LHFPL6: variants seen among roughly 807,000 people sequenced by gnomAD.
LHFPL6 encodes LHFPL tetraspan subfamily member 6 protein.
A neutral mutation model predicts 20.6 loss-of-function variants in LHFPL6; 9 were observed. That is an observed-to-expected ratio of 0.44 (90% CI 0.26 to 0.76). LHFPL6 has a LOEUF of 0.76. Among genes scored for constraint, LHFPL6 ranks in the 30% least tolerant of loss-of-function variants. The pLI is 0.20. For missense variants in LHFPL6, 218 were observed against 253.5 expected, an observed-to-expected ratio of 0.86 and a Z score of 0.95; for synonymous variants, 105 against 98.7, an observed-to-expected ratio of 1.06 and a Z score of -0.38.
intron 2 of LHFPL6, among the ~76,000 whole-genome samples, chr13:39,393,553 G>C (rs769465984): frequency 2.8e-4 from 42 of 152,268 alleles, no homozygotes; most frequent in Non-Finnish European, 5.3e-4. Flanking sequence ...ATGAAAACAA[G>C]AGCAAGTTAG....
intron 2 of LHFPL6, among the ~76,000 whole-genome samples, chr13:39,484,672 T>C (rs12427650): frequency 5.5e-4 from 84 of 152,320 alleles, no homozygotes; most frequent in Non-Finnish European, 9.6e-4. Context: ...TGTAGTCAGT[T>C]GTGAGAATTT....
At chr13:39,436,027 TAATA>T (rs1218991481) in intron 2 of LHFPL6, among the ~76,000 whole-genome samples, 1 of 151,498 alleles carries the variant, frequency 6.6e-6, no homozygotes. Context: ...ATTTTTAAAT[TAATA>T]AATATATAAA....
At chr13:39,418,960 C>T (rs530847881) in intron 2 of LHFPL6, among the ~76,000 whole-genome samples, 75 of 152,296 alleles carry the variant, frequency 4.9e-4, no homozygotes, top group East Asian at 1.2e-3. Flanking sequence ...GATCAGAATA[C>T]AGATTCCACA....
intron 3 of LHFPL6, among the ~76,000 whole-genome samples, chr13:39,358,536 A>G (rs1412532899): frequency 6.6e-6 from 1 of 152,156 alleles, no homozygotes; most frequent in Non-Finnish European, 1.5e-5. Flanking sequence ...AAAAAACAAC[A>G]TGTGGGACCT....
intron 2 of LHFPL6, among the ~76,000 whole-genome samples, chr13:39,500,544 C>A (rs1869257984): frequency 1.3e-5 from 2 of 152,146 alleles, no homozygotes; most frequent in Non-Finnish European, 2.9e-5. Flanking sequence ...CATAAGCCAC[C>A]GTGCCCGGCC....
chr13:39,487,783 C>T (rs1868775378), intron 2 of LHFPL6, among the ~76,000 whole-genome samples: 1 of 152,110 alleles, frequency 6.6e-6, no homozygotes, highest in African/African-American at 2.4e-5. Context: ...CTGAGGTTCA[C>T]ACCTGTAATC....
chr13:39,499,075 C>T (rs1022942272), intron 2 of LHFPL6, among the ~76,000 whole-genome samples: 2 of 152,078 alleles, frequency 1.3e-5, no homozygotes, highest in African/African-American at 4.8e-5. Flanking sequence ...GTTGACCAGG[C>T]TGGTCTTGAA....
intron 3 of LHFPL6, among the ~76,000 whole-genome samples, chr13:39,350,303 T>C (rs2138336020): frequency 6.6e-6 from 1 of 152,340 alleles, no homozygotes; most frequent in African/African-American, 2.4e-5. Flanking sequence ...TGTGAGAGAT[T>C]AAAGGTTTAC....
chr13:39,380,705 C>G (rs1870416098), intron 2 of LHFPL6, among the ~76,000 whole-genome samples: 1 of 152,042 alleles, frequency 6.6e-6, no homozygotes, highest in African/African-American at 2.4e-5. Flanking sequence ...GTTGACCAGG[C>G]TGATCTAGAA....
chr13:39,488,011 A>G (rs1868783821), intron 2 of LHFPL6, among the ~76,000 whole-genome samples: 2 of 152,206 alleles, frequency 1.3e-5, no homozygotes, highest in African/African-American at 2.4e-5. Flanking sequence ...TGTCCCCCCA[A>G]AATTTATATG....
Position 39,492,186 on chromosome 13 carries a change from A to C in LHFPL6, c.385+108646T>G, listed in dbSNP as rs73462900. ...TGAAGTCTAGAACTCACCATTAAAG[A>C]ATTACTGATTTAGGGAAATCTGTTT... On this transcript the variant is annotated intron_variant, in intron 2 of 3. Coordinates refer to ENST00000379589, the MANE Select transcript of LHFPL6 (RefSeq NM_005780.3). Among the ~76,000 whole-genome samples the C allele has an allele frequency of 2.7e-3, 415 of 152,348 alleles. 4 individuals are homozygous for C. Among genetic ancestry groups the C allele is most frequent in the African/African-American group, 9.3e-3 (388 of 41,570 alleles).
intron 2 of LHFPL6, among the ~76,000 whole-genome samples, chr13:39,395,137 TATGAAGGGAGAACAGTGTCTCAGATAA>T (rs1870810900): frequency 1.3e-5 from 2 of 152,152 alleles, no homozygotes; most frequent in Non-Finnish European, 2.9e-5. Context: ...CTAGCTTATT[TATGAAGGGAGAACAGTGTCTCAGATAA>T]ATGCCTCCTT....
At chr13:39,419,231 A>C (rs1324437798) in intron 2 of LHFPL6, among the ~76,000 whole-genome samples, 1 of 152,184 alleles carries the variant, frequency 6.6e-6, no homozygotes, top group Non-Finnish European at 1.5e-5. Context: ...TGTGAAAAAA[A>C]TGGCAAATAA....
intron 3 of LHFPL6, among the ~76,000 whole-genome samples, chr13:39,349,253 T>C (rs2138335168): frequency 6.6e-6 from 1 of 152,334 alleles, no homozygotes; most frequent in African/African-American, 2.4e-5. Flanking sequence ...GTATTACAAA[T>C]TATATTGAGA....
At chr13:39,557,150 G>T (rs1871330359) in intron 2 of LHFPL6, among the ~76,000 whole-genome samples, 1 of 152,210 alleles carries the variant, frequency 6.6e-6, no homozygotes, top group Non-Finnish European at 1.5e-5. Context: ...AAGCATTTCA[G>T]AAATCTTTGA....
chr13:39,586,384 T>A (rs1195838250), intron 2 of LHFPL6, among the ~76,000 whole-genome samples: 1 of 152,178 alleles, frequency 6.6e-6, no homozygotes, highest in Admixed American at 6.5e-5. Flanking sequence ...ATCAGAGATA[T>A]GCACATTGTA....
At chr13:39,579,614 T>C (rs1872217936) in intron 2 of LHFPL6, among the ~76,000 whole-genome samples, 1 of 152,222 alleles carries the variant, frequency 6.6e-6, no homozygotes, top group African/African-American at 2.4e-5. Context: ...GTTACAGTTT[T>C]TAAAGAATTA....
chr13:39,551,050 T>C (rs1871132757), intron 2 of LHFPL6, among the ~76,000 whole-genome samples: 1 of 152,162 alleles, frequency 6.6e-6, no homozygotes, highest in Non-Finnish European at 1.5e-5. Context: ...TCTAGTCTGT[T>C]CCATTGATCT....
At chr13:39,456,218 A>G (rs1322705636) in intron 2 of LHFPL6, among the ~76,000 whole-genome samples, 1 of 152,160 alleles carries the variant, frequency 6.6e-6, no homozygotes, top group Admixed American at 6.5e-5. Context: ...CAGAAAATTG[A>G]CTCTTTTGGA....
Sources: allele counts gnomAD v4.1 joint callset (sites outside exome capture counted in the v4.1 genomes callset), GRCh38; gene constraint gnomAD v4.1.1; transcripts MANE v1.5; gene names NCBI Gene and HGNC (gene_info 2026-07-23, HGNC 2026-07-21).